The following SV2B variants were observed in gnomAD, a reference collection of about 807,000 sequenced individuals.
SV2B encodes the protein solute carrier family 22 member B2.
SV2B carries 41 observed loss-of-function variants against 73.9 expected under a neutral mutation model. The ratio of observed to expected loss-of-function variants is 0.56; its 90% CI spans 0.43 to 0.72. The LOEUF (loss-of-function observed/expected upper bound fraction) is 0.72, where lower values mean the gene tolerates loss of function less well. Among genes scored for constraint, SV2B ranks in the 30% least tolerant of loss-of-function variants. The pLI is 0.00. For synonymous variants in SV2B, 314 were observed against 314.2 expected (o/e 1.00, Z 0.01); for missense variants, 764 against 857.8 (o/e 0.89, Z 1.37).
chr15:91,251,763 A>G, intron 2 of SV2B, 56 bp from the exon 3 acceptor site: 2 of 1,514,812 alleles, frequency 1.3e-6, no homozygotes, highest in Non-Finnish European at 1.8e-6. Context: ...AACATTGTAT[A>G]GTCTTAATCT....
chr15:91,211,249 C>T (rs2045848383), intron 1 of SV2B, among the ~76,000 whole-genome samples: 1 of 152,162 alleles, frequency 6.6e-6, no homozygotes, highest in Non-Finnish European at 1.5e-5. Flanking sequence ...ATTCCCAGAA[C>T]TTCCTTCCTT....
chr15:91,210,462 G>A (rs562787586), intron 1 of SV2B, among the ~76,000 whole-genome samples: 1 of 152,260 alleles, frequency 6.6e-6, no homozygotes, highest in African/African-American at 2.4e-5. Flanking sequence ...GGGCAGGGTA[G>A]TTTCAAGAAA....
At chr15:91,171,550 T>C (rs1459076489) in intron 1 of SV2B, among the ~76,000 whole-genome samples, 2 of 152,144 alleles carry the variant, frequency 1.3e-5, no homozygotes, top group African/African-American at 4.8e-5. Flanking sequence ...GTTTGGGTCG[T>C]GTGTCATGTT....
Position 91,224,819 on chromosome 15 carries a change from A to T in SV2B, c.-391-1054A>T, listed in dbSNP as rs970057277. On this transcript the variant is annotated intron_variant, in intron 1 of 12. Coordinates refer to ENST00000394232, the MANE Select transcript of SV2B (RefSeq NM_001323032.3). This position sits in a 1 kb window ranked among gnomAD's most constrained non-coding sequence, Gnocchi z 4.9. ...ATGTTCTGGCACACAGTAGGCCACA[A>T]TAAATGGTGGCCCCAAGCCTTGTGA... Among the ~76,000 whole-genome samples the T allele has an allele frequency of 3.9e-5, 6 of 152,334 alleles. No individual in the cohort carries two copies. The South Asian group carries it at 1.0e-3, about 26-fold the overall frequency.
rs2048638014 is a variant in SV2B at position 91,280,103 on chromosome 15, G to A, written c.1374-1625G>A. 6.6e-6 allele frequency among the ~76,000 whole-genome samples: 1 copy of A among 152,182 alleles called. No homozygotes were observed. On this transcript the variant is annotated intron_variant, in intron 9 of 12. Transcript: ENST00000394232. The surrounding 1 kb of genome is among the most constrained non-coding windows in gnomAD (Gnocchi z 5.8). ...ATGACATCTTTAATAATAACCTCAA[G>A]TTTATTCTGATGCAAGTGGTCTGGG...
intron 1 of SV2B, among the ~76,000 whole-genome samples, chr15:91,188,034 A>G (rs1367425194): frequency 7.5e-6 from 1 of 134,112 alleles, no homozygotes; most frequent in Non-Finnish European, 1.7e-5. Context: ...AGCCAAACAT[A>G]TTGTATTGAC....
chr15:91,166,130 A>C (rs1175643770), intron 1 of SV2B, among the ~76,000 whole-genome samples: 1 of 152,146 alleles, frequency 6.6e-6, no homozygotes, highest in African/African-American at 2.4e-5. Context: ...AGCATTATTG[A>C]CATTTTGGGT....
intron 1 of SV2B, among the ~76,000 whole-genome samples, chr15:91,164,111 T>C (rs143281201): frequency 3.9e-5 from 6 of 152,272 alleles, no homozygotes; most frequent in Non-Finnish European, 5.9e-5. Context: ...CTGTTCTGTT[T>C]CATTGGTCTA....
Position 91,252,217 on chromosome 15 carries a change from C to T in SV2B, c.633-152C>T. 5.9e-6 allele frequency: 7 copies of T among 1,178,358 alleles called. No homozygotes were observed. The highest frequency in any genetic ancestry group is 8.3e-6 in the Non-Finnish European group (7 of 841,384). 73.0% of individuals were successfully genotyped at this position (1,178,358 alleles called of 1,614,324 possible). A position where few individuals can be genotyped will look rare whatever the true frequency, so the allele number is the denominator to read the frequency against. On this transcript the variant is annotated intron_variant, in intron 3 of 12. Coordinates refer to ENST00000394232, the MANE Select transcript of SV2B (RefSeq NM_001323032.3). The surrounding 1 kb of genome is among the most constrained non-coding windows in gnomAD (Gnocchi z 4.6). ...GTCAAAATAATCCAAGACTGCTTCCCACATGTAGAGAGGAACTAACTGGCC... is the reference window on the plus strand; with the variant it reads ...GTCAAAATAATCCAAGACTGCTTCCTACATGTAGAGAGGAACTAACTGGCC...
At chr15:91,101,841 GAGCACAC>G (rs2041735357) in intron 1 of SV2B, 1 of 152,174 alleles carries the variant, frequency 6.6e-6, no homozygotes, top group Non-Finnish European at 1.5e-5. Flanking sequence ...ACCCAGAGAG[GAGCACAC>G]ACAATACAAG....
intron 1 of SV2B, among the ~76,000 whole-genome samples, chr15:91,218,303 G>A: frequency 6.6e-6 from 1 of 152,174 alleles, no homozygotes; most frequent in South Asian, 2.1e-4. Context: ...TCAGAGATAA[G>A]GATATTCTTT....
chr15:91,165,003 T>C (rs1441868546), intron 1 of SV2B, among the ~76,000 whole-genome samples: 17 of 152,210 alleles, frequency 1.1e-4, no homozygotes, highest in Non-Finnish European at 2.5e-4. Context: ...TTCATATCTT[T>C]GGCGTCTGCA....
chr15:91,268,729 A>G lies in SV2B; in HGVS notation c.1373+124A>G, dbSNP rs1470273563. 9 of 1,281,036 alleles carry G rather than the reference A, an allele frequency of 7.0e-6. No individual in the cohort carries two copies. Among genetic ancestry groups the G allele is most frequent in the Non-Finnish European group, 9.5e-6 (9 of 942,962 alleles). The allele number at this position is 1,281,036 out of a possible 1,614,324, so 79.4% of individuals were successfully genotyped here. On this transcript the variant is annotated intron_variant, in intron 9 of 12. Transcript: ENST00000394232. The surrounding 1 kb of genome is among the most constrained non-coding windows in gnomAD (Gnocchi z 4.4). ...GGGAATGAGCGCCAAGGCTGGTGTC[A>G]TCATCACAACCTGTCATGGCTGCCA...
intron 11 of SV2B, among the ~76,000 whole-genome samples, chr15:91,287,389 T>G (rs140888151): frequency 3.3e-5 from 5 of 152,312 alleles, no homozygotes; most frequent in Non-Finnish European, 5.9e-5. Flanking sequence ...CGGTTGGTTG[T>G]TTGAGACCTG....
rs764206231 is a variant in SV2B, at chr15:91,292,463, G to C, written c.1963G>C (p.Val655Leu). Residue 655 changes from valine to leucine, a missense_variant, in exon 13 of 13, where the codon GTC (valine) becomes CTC (leucine). Transcript: ENST00000394232. ...FASFVGITKV[V>L]PILLAAASLV... ...TTCTTTTGTTGGGATAACCAAAGTGGTCCCCATCCTTCTGGCTGCTGCTTC... is the reference window on the plus strand; with the variant it reads ...TTCTTTTGTTGGGATAACCAAAGTGCTCCCCATCCTTCTGGCTGCTGCTTC... The C allele has an allele frequency of 2.6e-5, 42 of 1,614,048 alleles. No homozygotes were observed. Among genetic ancestry groups the C allele is most frequent in the Non-Finnish European group, 3.5e-5 (41 of 1,180,034 alleles).
At chr15:91,250,167 T>C (rs2047428104) in intron 2 of SV2B, among the ~76,000 whole-genome samples, 1 of 152,204 alleles carries the variant, frequency 6.6e-6, no homozygotes, top group Non-Finnish European at 1.5e-5. Context: ...TCATACACCA[T>C]GATCAAGTGA....
chr15:91,275,340 A>G (rs915535402), intron 9 of SV2B, among the ~76,000 whole-genome samples: 1 of 152,176 alleles, frequency 6.6e-6, no homozygotes, highest in African/African-American at 2.4e-5. Context: ...AATTAATCAT[A>G]ATGTGCCTTC....
intron 1 of SV2B, among the ~76,000 whole-genome samples, chr15:91,172,394 G>A (rs1417926111): frequency 6.6e-6 from 1 of 152,198 alleles, no homozygotes; most frequent in East Asian, 1.9e-4. Flanking sequence ...TAGGCACGGG[G>A]CCTACTGAGA....
At chr15:91,251,609 T>C (rs2047483661) in intron 2 of SV2B, among the ~76,000 whole-genome samples, 1 of 152,260 alleles carries the variant, frequency 6.6e-6, no homozygotes, top group Non-Finnish European at 1.5e-5. Context: ...AGTCTGTGTA[T>C]ATGTGAGGCC....
Sources: gnomAD v4.1 joint callset for allele counts (sites outside exome capture counted in the v4.1 genomes callset) on GRCh38, gnomAD v4.1.1 for gene constraint, Gnocchi (gnomAD v3.1) non-coding constraint, MANE v1.5 for transcripts, NCBI Gene and HGNC (gene_info 2026-07-23, HGNC 2026-07-21) for gene names.